BIRC6: variants seen among roughly 807,000 people sequenced by gnomAD.
BIRC6 encodes dual E2 ubiquitin-conjugating enzyme/E3 ubiquitin-protein ligase BIRC6.
In BIRC6, 98 loss-of-function variants were observed where a neutral mutation model predicts 503.3. The observed-to-expected ratio is 0.19, with a 90% CI of 0.17 to 0.23. BIRC6 has a LOEUF of 0.23. Ranked by LOEUF, BIRC6 falls within the 10% of genes least tolerant of loss-of-function variation. The pLI is 1.00. For missense variants in BIRC6, 5,360 were observed against 5,806.0 expected (o/e 0.92, Z 2.50); for synonymous variants, 2,240 against 2,078.7 (o/e 1.08, Z -2.11).
At chr2:32,445,402 A>G (rs2045853506) in intron 20 of BIRC6, 119 bp from the exon 21 acceptor site, 1 of 1,033,120 alleles carries the variant, frequency 9.7e-7, no homozygotes, top group Admixed American at 3.4e-5. Flanking sequence ...TTGTCTTTCC[A>G]GAAAAGGGAG....
rs566518355 is a variant in BIRC6, at chr2:32,449,537, C to T, written c.4618+609C>T. Among the ~76,000 whole-genome samples the T allele has an allele frequency of 9.8e-4, 149 of 151,836 alleles. 1 individual carries two copies. The highest frequency in any genetic ancestry group is 1.6e-3 in the Non-Finnish European group (112 of 67,914). On this transcript the variant is annotated intron_variant, in intron 22 of 73. Transcript: ENST00000421745. Reference sequence around the variant, plus strand: ...AGAGTGACCATTTCATTTTTTTCTTCCGTCTAATTGTACTTATTGCAGATG... The same window carrying T: ...AGAGTGACCATTTCATTTTTTTCTTTCGTCTAATTGTACTTATTGCAGATG...
chr2:32,585,770 C>T (rs1309644165), intron 66 of BIRC6, among the ~76,000 whole-genome samples: 1 of 152,124 alleles, frequency 6.6e-6, no homozygotes, highest in Non-Finnish European at 1.5e-5. Context: ...CTAAATCAAG[C>T]ATGCATTGTA....
At chr2:32,535,446 G>A (rs181730681) in intron 61 of BIRC6, among the ~76,000 whole-genome samples, 6 of 151,966 alleles carry the variant, frequency 3.9e-5, no homozygotes, top group East Asian at 1.9e-4. Flanking sequence ...AATGCTATCC[G>A]TCTCCCCTCC....
At chr2:32,473,776 A>G (rs1199978390) in intron 33 of BIRC6, among the ~76,000 whole-genome samples, 2 of 112,860 alleles carry the variant, frequency 1.8e-5, no homozygotes, top group African/African-American at 7.1e-5. Context: ...TTTTTGAGAC[A>G]GGGTCTCATT....
chr2:32,581,911 G>A (rs746988603), intron 66 of BIRC6, among the ~76,000 whole-genome samples: 1 of 152,136 alleles, frequency 6.6e-6, no homozygotes, highest in Non-Finnish European at 1.5e-5. Flanking sequence ...CACCCAGGAT[G>A]GAGAGCAGTG....
chr2:32,600,030 C>G, intron 70 of BIRC6, 130 bp downstream of exon 70: 2 of 813,400 alleles, frequency 2.5e-6, no homozygotes, highest in Non-Finnish European at 3.8e-6. Flanking sequence ...CTCTTCCCTA[C>G]GTCCAGATTA....
At chr2:32,493,015 A>C (rs1009590601) in intron 44 of BIRC6, among the ~76,000 whole-genome samples, 18 of 151,714 alleles carry the variant, frequency 1.2e-4, no homozygotes, top group African/African-American at 4.1e-4. Context: ...GAAGTTTGGG[A>C]AAGCAGTTTT....
At chr2:32,395,838 G>A (rs536592697) in intron 6 of BIRC6, among the ~76,000 whole-genome samples, 3 of 152,254 alleles carry the variant, frequency 2.0e-5, no homozygotes, top group East Asian at 1.9e-4. Context: ...ACGCTCTAAC[G>A]AAAACCGGAA....
At chr2:32,482,301 A>G in intron 38 of BIRC6, 128 bp from the exon 39 acceptor site, 1 of 925,784 alleles carries the variant, frequency 1.1e-6, no homozygotes, top group South Asian at 2.0e-5. Context: ...TTATAAGGGG[A>G]TTTGGGAAAT....
intron 1 of BIRC6, among the ~76,000 whole-genome samples, chr2:32,369,984 ATG>A (rs1363670374): frequency 0.045 from 1,810 of 40,334 alleles, 24 homozygotes; most frequent in Middle Eastern, 0.069. Flanking sequence ...ATATATATAT[ATG>A]TATGTATGTA....
At chr2:32,534,505 C>A (rs1324879226) in intron 61 of BIRC6, among the ~76,000 whole-genome samples, 3 of 142,612 alleles carry the variant, frequency 2.1e-5, no homozygotes, top group Middle Eastern at 4.5e-3. Context: ...CCGAGGCAGG[C>A]GGATCACCTG....
At chr2:32,586,068 T>A (rs1296375784) in intron 66 of BIRC6, among the ~76,000 whole-genome samples, 1 of 152,164 alleles carries the variant, frequency 6.6e-6, no homozygotes, top group African/African-American at 2.4e-5. Context: ...TGAAGAAAGA[T>A]AGTTTGATTG....
chr2:32,467,344 T>G (rs1233478534), intron 26 of BIRC6, among the ~76,000 whole-genome samples, 181 bp from the exon 27 acceptor site: 2 of 152,208 alleles, frequency 1.3e-5, no homozygotes. Flanking sequence ...TAACACAGAC[T>G]GGGATTTCAG....
chr2:32,501,692 G>C (rs772937996), intron 46 of BIRC6, 21 bp from the exon 47 acceptor site: 34 of 1,596,694 alleles, frequency 2.1e-5, no homozygotes, highest in Non-Finnish European at 2.8e-5. Flanking sequence ...CTTTTAATGT[G>C]GTATCTTTTA....
chr2:32,439,028 C>T (rs1005856975), intron 15 of BIRC6, among the ~76,000 whole-genome samples: 1 of 152,048 alleles, frequency 6.6e-6, no homozygotes, highest in African/African-American at 2.4e-5. Flanking sequence ...GTAGTGACTC[C>T]AAAGCCTGCA....
intron 65 of BIRC6, chr2:32,565,203 T>C (rs1263888369): frequency 6.6e-6 from 1 of 152,234 alleles, no homozygotes; most frequent in East Asian, 1.9e-4. Context: ...TTAAATGTTT[T>C]AGAACCTTAC....
chr2:32,534,374 C>CAAA lies in BIRC6; in HGVS notation c.12291+2838_12291+2840dup, dbSNP rs200134446. Among the ~76,000 whole-genome samples, 32 of 92,572 alleles carry CAAA rather than the reference C, an allele frequency of 3.5e-4. 1 individual carries two copies. Among genetic ancestry groups the CAAA allele is most frequent in the Non-Finnish European group, 4.8e-4 (23 of 48,194 alleles). The allele number at this position is 92,572 out of a possible 152,430, so 60.7% of individuals were successfully genotyped here. ...GGGTGACAAGAGTGAAATTCCATCT[C>CAAA]AAAAAAAAAAAAAAAAAGAGACACT... On this transcript the variant is annotated intron_variant, in intron 61 of 73. Coordinates refer to ENST00000421745, the MANE Select transcript of BIRC6 (RefSeq NM_016252.4).
At chr2:32,545,061 A>G (rs1170044958) in intron 62 of BIRC6, among the ~76,000 whole-genome samples, 3 of 152,124 alleles carry the variant, frequency 2.0e-5, no homozygotes, top group Non-Finnish European at 2.9e-5. Flanking sequence ...GGAAAAAAAA[A>G]TGGCTTTCTG....
chr2:32,380,386 A>G, intron 3 of BIRC6, 96 bp downstream of exon 3: 1 of 1,395,758 alleles, frequency 7.2e-7, no homozygotes, highest in African/African-American at 1.5e-5. Context: ...GAAATGTTCT[A>G]ATTCTAGATT....
Sources: allele counts gnomAD v4.1 joint callset (sites outside exome capture counted in the v4.1 genomes callset), GRCh38; gene constraint gnomAD v4.1.1; transcripts MANE v1.5; gene names NCBI Gene and HGNC (gene_info 2026-07-23, HGNC 2026-07-21).